TRAF3: variants seen among roughly 807,000 people sequenced by gnomAD.
TRAF3 encodes the protein TNF receptor-associated factor 3.
A neutral mutation model predicts 62.3 loss-of-function variants in TRAF3; 13 were observed. That is an observed-to-expected ratio of 0.21 (90% confidence interval 0.14 to 0.33). The LOEUF is 0.33. Among genes scored for constraint, TRAF3 ranks in the 10% least tolerant of loss-of-function variants. TRAF3 has a pLI of 1.00. For missense variants in TRAF3, 440 were observed against 741.8 expected (o/e 0.59, Z 4.73); for synonymous variants, 269 against 283.4 (o/e 0.95, Z 0.51).
chr14:102,816,750 T>C (rs914154717), intron 1 of TRAF3, among the ~76,000 whole-genome samples: 20 of 152,220 alleles, frequency 1.3e-4, no homozygotes, highest in Admixed American at 5.2e-4. Flanking sequence ...TTGTTTCCAG[T>C]CTTCTCTGTT....
chr14:102,839,654 T>C (rs1886257977), intron 2 of TRAF3, among the ~76,000 whole-genome samples: 1 of 152,246 alleles, frequency 6.6e-6, no homozygotes, highest in Admixed American at 6.5e-5. Context: ...GTCGCCCAGA[T>C]ACTATATAAT....
At chr14:102,837,739 C>CT (rs2139662959) in intron 2 of TRAF3, among the ~76,000 whole-genome samples, 1 of 152,134 alleles carries the variant, frequency 6.6e-6, no homozygotes, top group East Asian at 1.9e-4. Context: ...TTGCCTCTTG[C>CT]TAAGGAATTA....
At chr14:102,874,120 C>G (rs1028889141) in intron 4 of TRAF3, among the ~76,000 whole-genome samples, 1 of 152,082 alleles carries the variant, frequency 6.6e-6, no homozygotes, top group Non-Finnish European at 1.5e-5. Context: ...AAAAAGTTAC[C>G]TGGGCTTGGA....
chr14:102,842,730 A>G (rs565643665), intron 2 of TRAF3, among the ~76,000 whole-genome samples: 15 of 152,348 alleles, frequency 9.8e-5, no homozygotes, highest in African/African-American at 2.2e-4. Context: ...CAGCCAGAAG[A>G]AAAGACACAT....
intron 1 of TRAF3, among the ~76,000 whole-genome samples, chr14:102,787,340 C>A (rs1023429743): frequency 6.6e-6 from 1 of 152,064 alleles, no homozygotes; most frequent in Non-Finnish European, 1.5e-5. Context: ...TATTTAAATT[C>A]GTATTTTAGC....
chr14:102,807,808 C>G (rs1898863870), intron 1 of TRAF3, among the ~76,000 whole-genome samples: 1 of 152,110 alleles, frequency 6.6e-6, no homozygotes. Context: ...TTATGGCACA[C>G]AGAAAGGTAG....
chr14:102,893,262 C>T (rs906523916), intron 9 of TRAF3, among the ~76,000 whole-genome samples: 2 of 151,100 alleles, frequency 1.3e-5, no homozygotes, highest in African/African-American at 2.4e-5. Context: ...TAGTGGCAGG[C>T]GCCTATAGTC....
intron 1 of TRAF3, among the ~76,000 whole-genome samples, chr14:102,827,884 G>C (rs1476912173): frequency 1.3e-5 from 2 of 152,198 alleles, no homozygotes; most frequent in African/African-American, 4.8e-5. Context: ...CAGAGGACCT[G>C]GAAGTGCTTG....
At chr14:102,789,573 T>G (rs1473037483) in intron 1 of TRAF3, among the ~76,000 whole-genome samples, 1 of 151,516 alleles carries the variant, frequency 6.6e-6, no homozygotes, top group Non-Finnish European at 1.5e-5. Flanking sequence ...CCAATCACAC[T>G]TATGAACTAC....
intron 1 of TRAF3, among the ~76,000 whole-genome samples, chr14:102,791,852 AC>A (rs1897806251): frequency 6.7e-6 from 1 of 150,134 alleles, no homozygotes; most frequent in African/African-American, 2.5e-5. Flanking sequence ...TTGCTCTGTC[AC>A]CCATGCTGGA....
At position 102,825,940 on chromosome 14, in the gene TRAF3, G is replaced by T. The variant is rs546391953; in HGVS notation, c.-156-4394G>T. Among the ~76,000 whole-genome samples, 13 of 152,340 alleles carry T rather than the reference G, an allele frequency of 8.5e-5. 1 individual carries two copies. The South Asian group carries it at 2.5e-3, about 29-fold the overall frequency. On this transcript the variant is annotated intron_variant, in intron 1 of 11. Coordinates refer to ENST00000392745, the MANE Select transcript of TRAF3 (RefSeq NM_145725.3). ...TCTCTTCTCTCCTCATCTCCTGTAG[G>T]CCGTAGGTGTTCCCTGTCAGGAATT... is the stretch of plus-strand genomic sequence containing the variant.
At chr14:102,862,134 G>A (rs981413660) in intron 2 of TRAF3, among the ~76,000 whole-genome samples, 15 of 151,904 alleles carry the variant, frequency 9.9e-5, no homozygotes, top group Non-Finnish European at 1.8e-4. Context: ...CCAAATTCAG[G>A]GTCATTAAAG....
chr14:102,890,490 C>T (rs377366792), intron 8 of TRAF3, among the ~76,000 whole-genome samples: 3 of 152,202 alleles, frequency 2.0e-5, no homozygotes, highest in South Asian at 4.1e-4. Flanking sequence ...CCTGTTCTGT[C>T]GTACGTAGTA....
At chr14:102,854,253 T>C (rs1887229062) in intron 2 of TRAF3, among the ~76,000 whole-genome samples, 1 of 152,212 alleles carries the variant, frequency 6.6e-6, no homozygotes, top group South Asian at 2.1e-4. Context: ...TGAACGTTTG[T>C]GAACAAGTTT....
intron 4 of TRAF3, among the ~76,000 whole-genome samples, 180 bp from the exon 5 acceptor site, chr14:102,875,444 A>G (rs554998940): frequency 1.3e-5 from 2 of 152,150 alleles, no homozygotes; most frequent in South Asian, 4.2e-4. Context: ...TGTGTCTCTT[A>G]GTGGGGGCAG....
At chr14:102,828,390 G>A (rs185324158) in intron 1 of TRAF3, among the ~76,000 whole-genome samples, 54 of 152,318 alleles carry the variant, frequency 3.5e-4, no homozygotes, top group African/African-American at 1.3e-3. Context: ...AGATAATGAA[G>A]GTAATACTCC....
chr14:102,872,162 C>G (rs533173532), intron 4 of TRAF3, among the ~76,000 whole-genome samples, 194 bp downstream of exon 4: 1 of 152,318 alleles, frequency 6.6e-6, no homozygotes, highest in South Asian at 2.1e-4. Flanking sequence ...TTGGCCACTT[C>G]CCTACTGTGT....
At chr14:102,779,269 C>CTTTTTTTTTTTTTTTTTTTTTTTTTTTT (rs61309052) in intron 1 of TRAF3, among the ~76,000 whole-genome samples, 1 of 123,454 alleles carries the variant, frequency 8.1e-6, no homozygotes, top group African/African-American at 3.5e-5. Flanking sequence ...AGAATTCCAG[C>CTTTTTTTTTTTTTTTTTTTTTTTTTTTT]TTTTTTTTTT....
intron 1 of TRAF3, among the ~76,000 whole-genome samples, chr14:102,824,979 A>T (rs1464176812): frequency 1.3e-5 from 2 of 152,238 alleles, no homozygotes; most frequent in Non-Finnish European, 2.9e-5. Flanking sequence ...AAGAGAATGC[A>T]TTCAGTCAGT....
Sources: gnomAD v4.1 joint callset for allele counts (sites outside exome capture counted in the v4.1 genomes callset) on GRCh38, gnomAD v4.1.1 for gene constraint, MANE v1.5 for transcripts, NCBI Gene and HGNC (gene_info 2026-07-23, HGNC 2026-07-21) for gene names.